The following GSDMA variants were observed in gnomAD, a reference collection of about 807,000 sequenced individuals.
GSDMA encodes the protein gasdermin-A.
Under a neutral mutation model 54.3 loss-of-function variants are expected in GSDMA, and 55 were observed. The observed-to-expected ratio is 1.01, with a 90% confidence interval of 0.82 to 1.27. The LOEUF (loss-of-function observed/expected upper bound fraction) is 1.27. GSDMA is among the 50% of genes most tolerant of loss of function. The pLI is 0.00. For missense variants in GSDMA, 542 were observed against 542.6 expected (o/e 1.00, Z 0.01); for synonymous variants, 211 against 224.7 (o/e 0.94, Z 0.54).
chr17:39,966,296 T>C lies in GSDMA; in HGVS notation c.251T>C (p.Met84Thr). ...ACTGGGAATTTTGGCTTTAAGAATA[T>C]GCTGGACACCCGAGTGGAGGGAGAT... The part of the protein sequence containing the change: ...TDTGNFGFKN[M>T]LDTRVEGDVD... Residue 84 changes from methionine (M) to threonine (T), a missense_variant, in exon 3 of 12, where the codon ATG (methionine) becomes ACG (threonine). By Grantham distance (81) the Met-to-Thr change is moderately conservative. Transcript: ENST00000301659. The C allele has an allele frequency of 1.2e-6, 2 of 1,613,938 alleles. No homozygotes were observed. The highest frequency in any genetic ancestry group is 1.6e-4 in the Middle Eastern group (1 of 6,062).
At chr17:39,974,489 G>A in intron 9 of GSDMA, 62 bp downstream of exon 9, 1 of 1,491,802 alleles carries the variant, frequency 6.7e-7, no homozygotes, top group Non-Finnish European at 9.0e-7. Flanking sequence ...AGATTTGGTG[G>A]GGGCGGGTAT....
Position 39,972,158 on chromosome 17 carries a change from C to G in GSDMA, c.685C>G (p.Gln229Glu). ...DIPHICNDNM[Q>E]TFPPGEKSGE... ...TCCACATATCTGCAATGATAACATG[C>G]AAACCTTCCCTCCTGGAGGTAAGTG... The change falls in exon 6 of 12, where the codon CAA becomes GAA. Residue 229 changes from glutamine to glutamate, a missense_variant. Gln to Glu is a conservative substitution (Grantham distance 29). Coordinates refer to ENST00000301659, the MANE Select transcript of GSDMA (RefSeq NM_178171.5). The G allele has an allele frequency of 7.2e-7, 1 of 1,383,834 alleles. No homozygotes were observed. Among genetic ancestry groups the G allele is most frequent in the Non-Finnish European group, 9.7e-7 (1 of 1,033,988 alleles). 85.7% of individuals were successfully genotyped at this position (1,383,834 alleles called of 1,614,324 possible). A position where few individuals can be genotyped will look rare whatever the true frequency, so the allele number is the denominator to read the frequency against.
At chr17:39,974,517 T>C in intron 9 of GSDMA, 90 bp downstream of exon 9, 1 of 1,347,288 alleles carries the variant, frequency 7.4e-7, no homozygotes, top group Non-Finnish European at 1.0e-6. Flanking sequence ...GGTAGGGAGA[T>C]CTGACGGGGG....
At chr17:39,971,911 G>A (rs985479189) in intron 5 of GSDMA, among the ~76,000 whole-genome samples, 6 of 140,264 alleles carry the variant, frequency 4.3e-5, no homozygotes, top group Admixed American at 1.5e-4. Context: ...AACAGACAGA[G>A]ACTGGAATGG....
rs1030834162 is a variant in GSDMA at position 39,964,970 on chromosome 17, A to AG, written c.-5-713_-5-712insG. Among the ~76,000 whole-genome samples the AG allele has an allele frequency of 2.0e-4, 31 of 152,132 alleles. 1 individual carries two copies. Among genetic ancestry groups the AG allele is most frequent in the Admixed American group, 1.6e-3 (25 of 15,260 alleles). ...GTGAGACTCTGTCTCTACAAAAAAA[A>AG]TTTAAAAATTAGCCAAGTGCATGAC... is the stretch of plus-strand genomic sequence containing the variant. On this transcript the variant is annotated intron_variant, in intron 1 of 11. Transcript: ENST00000301659.
At position 39,970,501 on chromosome 17, in the gene GSDMA, C is replaced by A; in HGVS notation, c.412C>A (p.Pro138Thr). The A allele has an allele frequency of 1.9e-6, 3 of 1,584,560 alleles. No individual in the cohort carries two copies. Among genetic ancestry groups the A allele is most frequent in the South Asian group, 2.3e-5 (2 of 87,642 alleles). ...CAACAGGAAGCTGGCAGCAGACCAC[C>A]CATTCCTGAAGGAGATGCAAGATCA... Reference protein sequence around the residue: ...VQERKLAADHPFLKEMQDQGE... With the variant: ...VQERKLAADHTFLKEMQDQGE... Residue 138 changes from proline to threonine, a missense_variant, in exon 4 of 12, where the codon CCA becomes ACA. Coordinates refer to ENST00000301659, the MANE Select transcript of GSDMA (RefSeq NM_178171.5).
chr17:39,965,628 TCCTTGGCAG>T (rs1979610205), intron 1 of GSDMA, 46 bp from the exon 2 acceptor site: 1 of 1,387,002 alleles, frequency 7.2e-7, no homozygotes, highest in Non-Finnish European at 1.0e-6. Flanking sequence ...TATCCCGGGC[TCCTTGGCAG>T]CCTTGGCAGC....
At chr17:39,969,579 G>A (rs1979836277) in intron 3 of GSDMA, among the ~76,000 whole-genome samples, 1 of 152,186 alleles carries the variant, frequency 6.6e-6, no homozygotes, top group Non-Finnish European at 1.5e-5. Flanking sequence ...GCGTTGCACG[G>A]AGGGTTTCCA....
intron 2 of GSDMA, 24 bp downstream of exon 2, chr17:39,965,925 A>G (rs774951231): frequency 6.5e-7 from 1 of 1,537,608 alleles, no homozygotes. Flanking sequence ...GGGGCTGGGA[A>G]CTGAGGGATA....
intron 10 of GSDMA, 96 bp downstream of exon 10, chr17:39,975,110 G>A (rs1351639290): frequency 2.7e-6 from 2 of 738,620 alleles, no homozygotes; most frequent in South Asian, 1.6e-5. Context: ...ATGAATGAAT[G>A]ACAAATTATA....
At chr17:39,972,100 T>TGGGCCCC in intron 5 of GSDMA, 29 bp from the exon 6 acceptor site, 1 of 835,096 alleles carries the variant, frequency 1.2e-6, no homozygotes, top group Non-Finnish European at 2.0e-6. Context: ...CTAAGTGTCC[T>TGGGCCCC]CCCACCCTCC....
At chr17:39,966,539 C>A in intron 3 of GSDMA, 102 bp downstream of exon 3, 1 of 1,073,338 alleles carries the variant, frequency 9.3e-7, no homozygotes, top group Non-Finnish European at 1.3e-6. Flanking sequence ...CTTGCACTGA[C>A]CTTTGCCAAT....
chr17:39,967,084 G>C (rs1230225406), intron 3 of GSDMA, among the ~76,000 whole-genome samples: 1 of 152,190 alleles, frequency 6.6e-6, no homozygotes, highest in African/African-American at 2.4e-5. Flanking sequence ...AGAAGGAAAG[G>C]CTGGGGTAGT....
Position 39,976,888 on chromosome 17 carries a change from T to TC in GSDMA, c.1170dup (p.Ser391LeufsTer92). 2 of 1,613,876 alleles carry TC rather than the reference T, an allele frequency of 1.2e-6. No homozygotes were observed. The highest frequency in any genetic ancestry group is 1.7e-6 in the Non-Finnish European group (2 of 1,179,856). ...TTTCCCCCTGCAACCTGAGCTGCTC[T>TC]CCTCCCTTGGGGACGAGGAGCTGAC... On this transcript the variant is annotated frameshift_variant, in exon 12 of 12. Coordinates refer to ENST00000301659, the MANE Select transcript of GSDMA (RefSeq NM_178171.5). LOFTEE classifies it high-confidence loss of function.
chr17:39,964,452 C>T (rs574302907), intron 1 of GSDMA, among the ~76,000 whole-genome samples: 82 of 152,220 alleles, frequency 5.4e-4, no homozygotes, highest in African/African-American at 1.9e-3. Context: ...ACCTGCAGTC[C>T]CAGCTACTCG....
chr17:39,975,801 CT>C, intron 10 of GSDMA, 122 bp from the exon 11 acceptor site: 1 of 703,398 alleles, frequency 1.4e-6, no homozygotes, highest in Non-Finnish European at 2.4e-6. Context: ...CTATGGCTCC[CT>C]TAACACCTGC....
At chr17:39,971,985 AT>A (rs1979972061) in intron 5 of GSDMA, 143 bp from the exon 6 acceptor site, 1 of 609,576 alleles carries the variant, frequency 1.6e-6, no homozygotes, top group African/African-American at 1.9e-5. Flanking sequence ...GCTTCCAGCA[AT>A]GGAGGTTGAA....
chr17:39,972,096 G>T, intron 5 of GSDMA, 33 bp from the exon 6 acceptor site: 1 of 1,035,186 alleles, frequency 9.7e-7, no homozygotes, highest in East Asian at 2.4e-5. Context: ...GCTGCTAAGT[G>T]TCCTCCCACC....
intron 7 of GSDMA, 106 bp downstream of exon 7, chr17:39,972,719 A>G: frequency 1.0e-6 from 1 of 990,634 alleles, no homozygotes; most frequent in Non-Finnish European, 1.6e-6. Context: ...AGCAGAGCGA[A>G]TCTCAGCAAA....
Sources: allele counts gnomAD v4.1 joint callset (sites outside exome capture counted in the v4.1 genomes callset), GRCh38; gene constraint gnomAD v4.1.1; transcripts MANE v1.5; gene names NCBI Gene and HGNC (gene_info 2026-07-23, HGNC 2026-07-21).